The following PPP1R12C variants were observed in gnomAD, a reference collection of about 807,000 sequenced individuals.
PPP1R12C encodes protein phosphatase 1 regulatory subunit 12C.
In PPP1R12C, 48 loss-of-function variants were observed where a neutral mutation model predicts 95.6. The ratio of observed to expected loss-of-function variants is 0.50; its 90% CI spans 0.40 to 0.64. The LOEUF (loss-of-function observed/expected upper bound fraction) is 0.64. PPP1R12C is among the 30% of genes least tolerant of loss of function. The probability of loss-of-function intolerance (pLI) is 0.00; values close to 1 mark genes in which losing one functional copy is unlikely to be tolerated. For synonymous variants in PPP1R12C, 480 were observed against 460.8 expected (o/e 1.04, Z -0.53); for missense variants, 1,057 against 1,083.3 (o/e 0.98, Z 0.34).
At position 55,095,533 on chromosome 19, in the gene PPP1R12C, G is replaced by A. The variant is rs1602976491; in HGVS notation, c.1298C>T (p.Pro433Leu). 5 of 1,591,670 alleles carry A rather than the reference G, an allele frequency of 3.1e-6. No individual in the cohort carries two copies. The highest frequency in any genetic ancestry group is 4.3e-6 in the Non-Finnish European group (5 of 1,169,632). Residue 433 changes from proline to leucine, a missense_variant, in exon 10 of 22, where the codon CCC (proline) becomes CTC (leucine). Physicochemically the swap from Pro to Leu is moderately conservative, Grantham distance 98 (BLOSUM62 -3). This residue lies in a region of PPP1R12C where 356 missense variants were observed against 330.5 expected (regional missense o/e 1.08). Transcript: ENST00000263433. ...TCCCTCCGCTGTCCGCCTTTCAGGG[G>A]GACCCAGGGCACCAGAACTCCCTGT... ...LKTGSSGALG[P>L]PERRTAEGAP...
chr19:55,099,299 T>A (rs1217978260), intron 4 of PPP1R12C, among the ~76,000 whole-genome samples: 1 of 152,196 alleles, frequency 6.6e-6, no homozygotes, highest in Non-Finnish European at 1.5e-5. Context: ...GACCAGCAGT[T>A]ACATGTTAAA....
intron 4 of PPP1R12C, 25 bp from the exon 5 acceptor site, chr19:55,099,120 C>G: frequency 6.7e-7 from 1 of 1,503,636 alleles, no homozygotes; most frequent in Non-Finnish European, 8.9e-7. Flanking sequence ...GGCTCAGGGT[C>G]AGAGGCCAAG....
In PPP1R12C at chr19:55,091,703, G is replaced by A; in HGVS notation, c.2212-3C>T. ...TTGCGTTCCAGGGCCCTGCGCTCCT[G>A]GAATGAACAGGGAAAGTGCAGAAAC... On this transcript the variant is annotated splice_polypyrimidine_tract_variant and splice_region_variant and intron_variant, in intron 20 of 21. Transcript: ENST00000263433. The A allele has an allele frequency of 5.6e-6, 9 of 1,613,406 alleles. No individual in the cohort carries two copies. Among genetic ancestry groups the A allele is most frequent in the Non-Finnish European group, 6.8e-6 (8 of 1,179,926 alleles).
At position 55,092,300 on chromosome 19, in the gene PPP1R12C, G is replaced by C. The variant is rs140226007; in HGVS notation, c.2082C>G (p.Asn694Lys). The C allele has an allele frequency of 1.8e-5, 29 of 1,600,782 alleles. No homozygotes were observed. The highest frequency in any genetic ancestry group is 2.3e-5 in the Non-Finnish European group (27 of 1,173,932). ...CGGTCAGGGCCTCGCGAAGCCGCTC[G>C]TTCTCCCTGCGCAGCTCTGCATACA... is the stretch of plus-strand genomic sequence containing the variant. ...RTLYAELRRE[N>K]ERLREALTET... Residue 694 changes from asparagine to lysine, a missense_variant, in exon 19 of 22, where the codon AAC becomes AAG. Transcript: ENST00000263433.
At chr19:55,103,665 G>T in intron 3 of PPP1R12C, 97 bp from the exon 4 acceptor site, 2 of 1,235,246 alleles carry the variant, frequency 1.6e-6, no homozygotes, top group Non-Finnish European at 1.1e-6. Context: ...CCAGTGACTT[G>T]CCCAGAGCTC....
rs1176204640 is a variant in PPP1R12C at position 55,095,611 on chromosome 19, A to G, written c.1228-8T>C. On this transcript the variant is annotated splice_region_variant and splice_polypyrimidine_tract_variant and intron_variant, in intron 9 of 21. Transcript: ENST00000263433. ...GGGGGCCTCTTCAAGCTGCTGGGAG[A>G]AGGAGGAGGTCTCAGTTAGAGAGAA... 6.5e-7 allele frequency: 1 copy of G among 1,549,912 alleles called. No homozygotes were observed.
chr19:55,102,314 G>C (rs1223404405), intron 4 of PPP1R12C, among the ~76,000 whole-genome samples: 1 of 152,226 alleles, frequency 6.6e-6, no homozygotes, highest in Non-Finnish European at 1.5e-5. Flanking sequence ...AGGAGTTCAA[G>C]AGCAACCTGG....
intron 9 of PPP1R12C, 55 bp downstream of exon 9, chr19:55,095,812 A>C (rs2084904582): frequency 1.3e-6 from 2 of 1,582,384 alleles, no homozygotes; most frequent in Non-Finnish European, 1.7e-6. Flanking sequence ...GGCTGTATGG[A>C]ATCCCACCTC....
rs142940395 is a variant in PPP1R12C at position 55,092,168 on chromosome 19, G to A, written c.2160+54C>T. 5.4e-3 allele frequency: 7,948 copies of A among 1,470,320 alleles called. 32 individuals carry two copies. The highest frequency in any genetic ancestry group is 6.4e-3 in the Non-Finnish European group (6,958 of 1,090,716). The allele number at this position is 1,470,320 out of a possible 1,614,324, so 91.1% of individuals were successfully genotyped here. A position where few individuals can be genotyped will look rare whatever the true frequency, so the allele number is the denominator to read the frequency against. ...CAGGCTCTACCTCCCAGCAGTCTAAGCCCCACCCAGGCGGCCCTGCCAGTT... is the reference window on the plus strand; with the variant it reads ...CAGGCTCTACCTCCCAGCAGTCTAAACCCCACCCAGGCGGCCCTGCCAGTT... On this transcript the variant is annotated intron_variant, in intron 19 of 21. Coordinates refer to ENST00000263433, the MANE Select transcript of PPP1R12C (RefSeq NM_017607.4).
At position 55,099,002 on chromosome 19, in the gene PPP1R12C, G is replaced by C; in HGVS notation, c.825C>G (p.Ala275=). Residue 275 remains alanine (A), a synonymous_variant, in exon 5 of 22, where the codon GCC becomes GCG. Coordinates refer to ENST00000263433, the MANE Select transcript of PPP1R12C (RefSeq NM_017607.4). ...HAAAHWGVED[A]CRLLAEHGGG... Reference sequence around the variant, plus strand: ...CGCCATGCTCGGCCAGCAGGCGGCAGGCATCCTCCACGCCCCAGTGTGCCG... The same window carrying C: ...CGCCATGCTCGGCCAGCAGGCGGCACGCATCCTCCACGCCCCAGTGTGCCG... The C allele has an allele frequency of 1.9e-6, 3 of 1,558,610 alleles. No homozygotes were observed. The highest frequency in any genetic ancestry group is 2.6e-6 in the Non-Finnish European group (3 of 1,151,390).
In PPP1R12C at chr19:55,103,494, C is replaced by T; in HGVS notation, c.646G>A (p.Gly216Ser). The T allele has an allele frequency of 6.2e-7, 1 of 1,604,070 alleles. No individual in the cohort carries two copies. The highest frequency in any genetic ancestry group is 1.1e-5 in the South Asian group (1 of 90,396). Residue 216 changes from glycine to serine, a missense_variant, in exon 4 of 22, where the codon GGC (glycine) becomes AGC (serine). Transcript: ENST00000263433. ...GGGTGCCGGGCCTCTGGCATGGCGC[C>T]CCCATTCAGCCAGCACCTCGTGTCA... ...LHDTRCWLNG[G>S]AMPEARHPRT...
chr19:55,113,239 T>TC, intron 1 of PPP1R12C: 1 of 569,082 alleles, frequency 1.8e-6, no homozygotes, highest in South Asian at 3.7e-5. Context: ...GCCAGGTCCT[T>TC]CCAAGGGTCA....
intron 3 of PPP1R12C, among the ~76,000 whole-genome samples, chr19:55,108,783 C>T (rs2085065404): frequency 1.3e-5 from 2 of 152,156 alleles, no homozygotes; most frequent in South Asian, 4.1e-4. Flanking sequence ...CTTGGCTCAC[C>T]ACAACCTCCA....
At position 55,095,611 on chromosome 19, in the gene PPP1R12C, AAGG is replaced by A; in HGVS notation, c.1228-11_1228-9del. 1 of 1,549,912 alleles carries A rather than the reference AAGG, an allele frequency of 6.5e-7. No individual in the cohort carries two copies. Among genetic ancestry groups the A allele is most frequent in the Middle Eastern group, 1.7e-4 (1 of 5,744 alleles). On this transcript the variant is annotated splice_polypyrimidine_tract_variant and intron_variant, in intron 9 of 21. Transcript: ENST00000263433. ...GGGGGCCTCTTCAAGCTGCTGGGAG[AAGG>A]AGGAGGTCTCAGTTAGAGAGAAAGG... is the stretch of plus-strand genomic sequence containing the variant.
chr19:55,092,057 C>T, intron 19 of PPP1R12C, 148 bp from the exon 20 acceptor site: 2 of 1,180,056 alleles, frequency 1.7e-6, no homozygotes, highest in Non-Finnish European at 2.4e-6. Context: ...GGCAGGCCCA[C>T]AGCCCCATCC....
intron 3 of PPP1R12C, 23 bp downstream of exon 3, chr19:55,112,444 A>G (rs890160806): frequency 6.3e-7 from 1 of 1,599,476 alleles, no homozygotes; most frequent in South Asian, 1.1e-5. Flanking sequence ...CCCCCACCCC[A>G]CACACAGCAC....
chr19:55,092,021 TC>T (rs1272368675), intron 19 of PPP1R12C, 112 bp from the exon 20 acceptor site: 22 of 1,324,712 alleles, frequency 1.7e-5, no homozygotes, highest in Admixed American at 9.3e-5. Flanking sequence ...CACAAGCCCT[TC>T]CCCCACGGGC....
At chr19:55,112,902 G>GA in intron 1 of PPP1R12C, 107 bp from the exon 2 acceptor site, 1 of 1,457,950 alleles carries the variant, frequency 6.9e-7, no homozygotes, top group South Asian at 1.2e-5. Flanking sequence ...CACGGTGCTA[G>GA]GACAGTGGGG....
chr19:55,096,151 G>T lies in PPP1R12C; in HGVS notation c.1053C>A (p.Arg351=). 1 of 1,600,826 alleles carries T rather than the reference G, an allele frequency of 6.2e-7. No individual in the cohort carries two copies. Among genetic ancestry groups the T allele is most frequent in the Non-Finnish European group, 8.5e-7 (1 of 1,173,226 alleles). Residue 351 remains arginine, a synonymous_variant, in exon 8 of 22, where the codon CGC becomes CGA. Coordinates refer to ENST00000263433, the MANE Select transcript of PPP1R12C (RefSeq NM_017607.4). ...ACAAGTCCTGGAGGGAAATCTTCTC[G>T]CGACTGCTCAGACGACACACAGAGC... ...RRSSVCRLSS[R]EKISLQDLSK...
Sources: allele counts gnomAD v4.1 joint callset (sites outside exome capture counted in the v4.1 genomes callset), GRCh38; gene constraint gnomAD v4.1.1; regional missense constraint gnomAD v4.1.1; transcripts MANE v1.5; gene names NCBI Gene and HGNC (gene_info 2026-07-23, HGNC 2026-07-21).